TCF4: variants seen among roughly 807,000 people sequenced by gnomAD.
TCF4 encodes SL3-3 enhancer factor 2.
In TCF4, 3 loss-of-function variants were observed where a neutral mutation model predicts 82.1. That is an observed-to-expected ratio of 0.04 (90% confidence interval 0.02 to 0.09). The LOEUF (loss-of-function observed/expected upper bound fraction) is 0.09. TCF4 is among the 10% of genes least tolerant of loss of function. TCF4 has a pLI of 1.00. For synonymous variants in TCF4, 276 were observed against 309.6 expected (o/e 0.89, Z 1.14); for missense variants, 518 against 852.7 (o/e 0.61, Z 4.89).
chr18:55,262,395 C>T (rs2058246871), intron 11 of TCF4, among the ~76,000 whole-genome samples: 1 of 152,170 alleles, frequency 6.6e-6, no homozygotes, highest in African/African-American at 2.4e-5. Context: ...TCAGTATTAA[C>T]AGAATGCCTA....
chr18:55,350,166 C>A (rs901695789), intron 8 of TCF4, among the ~76,000 whole-genome samples, 193 bp downstream of exon 8: 1 of 152,196 alleles, frequency 6.6e-6, no homozygotes, highest in African/African-American at 2.4e-5. Context: ...ACCACCCAGT[C>A]TTCCAGGATG....
At chr18:55,477,126 G>C (rs1209277437) in intron 3 of TCF4, among the ~76,000 whole-genome samples, 1 of 152,160 alleles carries the variant, frequency 6.6e-6, no homozygotes, top group Non-Finnish European at 1.5e-5. Context: ...TCACGATAAT[G>C]TAACCACAAT....
chr18:55,520,300 C>T (rs892516783), intron 3 of TCF4, among the ~76,000 whole-genome samples: 1 of 151,956 alleles, frequency 6.6e-6, no homozygotes, highest in Non-Finnish European at 1.5e-5. Flanking sequence ...TGTCTATAAA[C>T]GCATTGAGTC....
chr18:55,374,477 G>C (rs2090206366), intron 6 of TCF4, among the ~76,000 whole-genome samples: 1 of 152,010 alleles, frequency 6.6e-6, no homozygotes, highest in South Asian at 2.1e-4. Flanking sequence ...TAAAACAAGA[G>C]AAAGTATGTA....
At chr18:55,587,739 G>A (rs1435207102) in intron 1 of TCF4, among the ~76,000 whole-genome samples, 1 of 151,714 alleles carries the variant, frequency 6.6e-6, no homozygotes, top group African/African-American at 2.4e-5. Context: ...CGGAGTGGAG[G>A]GTCGGGTCCT....
chr18:55,557,313 C>T (rs1025306489), intron 3 of TCF4, among the ~76,000 whole-genome samples: 1 of 152,010 alleles, frequency 6.6e-6, no homozygotes, highest in African/African-American at 2.4e-5. Context: ...TAGTGTACAC[C>T]TGTAGTCTCA....
intron 15 of TCF4, among the ~76,000 whole-genome samples, chr18:55,244,790 T>C (rs900013369): frequency 6.6e-6 from 1 of 152,164 alleles, no homozygotes; most frequent in Non-Finnish European, 1.5e-5. Flanking sequence ...ACAGAAACAT[T>C]ACCCAGAGAC....
chr18:55,386,079 A>C (rs1311612164), intron 6 of TCF4, among the ~76,000 whole-genome samples: 1 of 151,912 alleles, frequency 6.6e-6, no homozygotes, highest in Non-Finnish European at 1.5e-5. Context: ...CAACATCAAC[A>C]CCTACACCAC....
chr18:55,328,123 T>G (rs1398826024), intron 8 of TCF4, among the ~76,000 whole-genome samples: 1 of 152,096 alleles, frequency 6.6e-6, no homozygotes, highest in East Asian at 1.9e-4. Context: ...GATTTTTAGG[T>G]TTAATTACAC....
exon 1 of TCF4, chr18:55,635,799 A>G (rs1221872674): frequency 1.3e-5 from 20 of 1,552,956 alleles, no homozygotes; most frequent in Admixed American, 7.8e-5. Flanking sequence ...GCTGGCTTTC[A>G]ACTGCACCCT....
chr18:55,278,672 C>G (rs964707318), intron 9 of TCF4, among the ~76,000 whole-genome samples: 1 of 152,090 alleles, frequency 6.6e-6, no homozygotes, highest in African/African-American at 2.4e-5. Context: ...AGGTTCATGC[C>G]ATTCTTCTGC....
At chr18:55,307,886 T>C (rs1218216484) in intron 8 of TCF4, among the ~76,000 whole-genome samples, 3 of 152,220 alleles carry the variant, frequency 2.0e-5, no homozygotes, top group African/African-American at 7.2e-5. Context: ...TCTGGAATTG[T>C]CTCACCTGTT....
At chr18:55,375,864 A>G (rs980338282) in intron 6 of TCF4, among the ~76,000 whole-genome samples, 1 of 152,122 alleles carries the variant, frequency 6.6e-6, no homozygotes, top group African/African-American at 2.4e-5. Flanking sequence ...AATAGGGAGT[A>G]GGAGAGAGGG....
chr18:55,490,938 T>C (rs1265409876), intron 3 of TCF4, among the ~76,000 whole-genome samples: 1 of 152,170 alleles, frequency 6.6e-6, no homozygotes, highest in Non-Finnish European at 1.5e-5. Flanking sequence ...GGAACAGTAT[T>C]AATGGAAAGG....
intron 15 of TCF4, among the ~76,000 whole-genome samples, chr18:55,238,778 C>A (rs1457383882): frequency 1.3e-5 from 2 of 152,144 alleles, no homozygotes; most frequent in East Asian, 3.8e-4. Context: ...CTTCATGATA[C>A]CTCTTGGTGC....
chr18:55,588,188 T>A lies in TCF4; in HGVS notation c.-171A>T. The A allele has an allele frequency of 1.7e-6, 2 of 1,180,916 alleles. No homozygotes were observed. The highest frequency in any genetic ancestry group is 6.0e-5 in the South Asian group (2 of 33,200). The allele number at this position is 1,180,916 out of a possible 1,614,324, so 73.2% of individuals were successfully genotyped here. A position where few individuals can be genotyped will look rare whatever the true frequency, so the allele number is the denominator to read the frequency against. On this transcript the variant is annotated 5_prime_UTR_variant, in exon 1 of 20. Transcript: ENST00000354452. ...CCGCCGCCGCCGCCGCCACTACAGATCCGCAGACACACAGCCAAGATCCCT... is the reference window on the plus strand; with the variant it reads ...CCGCCGCCGCCGCCGCCACTACAGAACCGCAGACACACAGCCAAGATCCCT...
At chr18:55,254,848 T>C in intron 14 of TCF4, 148 bp from the exon 15 acceptor site, 1 of 786,660 alleles carries the variant, frequency 1.3e-6, no homozygotes, top group Non-Finnish European at 2.1e-6. Context: ...ATAATACAAA[T>C]AGTGTTGTTT....
At chr18:55,285,694 A>G (rs2063525168) in intron 8 of TCF4, among the ~76,000 whole-genome samples, 1 of 152,198 alleles carries the variant, frequency 6.6e-6, no homozygotes, top group Non-Finnish European at 1.5e-5. Context: ...GTGTAGAGTC[A>G]TGTTCATCCA....
At position 55,229,257 on chromosome 18, in the gene TCF4, C is replaced by T. The variant is rs2047189675; in HGVS notation, c.1650-181G>A. ...TAGATGGCTTTGACAGTTCACAATA[C>T]ACAAGATATTTGGTTTTCTCGCAGA... On this transcript the variant is annotated intron_variant, in intron 17 of 19. Transcript: ENST00000354452. The T allele has an allele frequency of 5.9e-6, 4 of 676,130 alleles. No homozygotes were observed. In the Admixed American group the frequency reaches 6.9e-5, roughly 12 times the overall value. The allele number at this position is 676,130 out of a possible 1,614,324, so 41.9% of individuals were successfully genotyped here.
Sources: gnomAD v4.1 joint callset for allele counts (sites outside exome capture counted in the v4.1 genomes callset) on GRCh38, gnomAD v4.1.1 for gene constraint, MANE v1.5 for transcripts, NCBI Gene and HGNC (gene_info 2026-07-23, HGNC 2026-07-21) for gene names.